Variants in CCSER1 observed in about 807,000 individuals in gnomAD.
The protein encoded by CCSER1 is coiled-coil serine rich protein 1, also known as serine-rich coiled-coil domain-containing protein 1.
Under a neutral mutation model 82.0 loss-of-function variants are expected in CCSER1, and 41 were observed. The observed-to-expected ratio is 0.50, with a 90% CI of 0.39 to 0.65. CCSER1 has a LOEUF of 0.65. Among genes scored for constraint, CCSER1 ranks in the 30% least tolerant of loss-of-function variants. CCSER1 has a pLI of 0.00. For synonymous variants in CCSER1, 414 were observed against 383.9 expected, an observed-to-expected ratio of 1.08 and a Z score of -0.92; for missense variants, 1,119 against 1,064.2, an observed-to-expected ratio of 1.05 and a Z score of -0.72.
chr4:91,031,336 T>C (rs35129590), intron 9 of CCSER1, among the ~76,000 whole-genome samples: 51,597 of 152,022 alleles, frequency 0.34, 10,587 homozygotes, highest in East Asian at 0.58. Context: ...CATGGATGAG[T>C]GCTTTACTCC....
chr4:90,404,027 T>G (rs1187876387), intron 4 of CCSER1: 1 of 152,212 alleles, frequency 6.6e-6, no homozygotes, highest in Admixed American at 6.5e-5. Flanking sequence ...ACTGTGAGTC[T>G]GCTTGCTTTC....
chr4:90,162,591 A>G (rs1358367001), intron 1 of CCSER1, among the ~76,000 whole-genome samples: 1 of 152,068 alleles, frequency 6.6e-6, no homozygotes, highest in Non-Finnish European at 1.5e-5. Flanking sequence ...AGTATTATAG[A>G]AGTCTAAAAA....
chr4:91,215,177 T>G (rs1483519711), intron 10 of CCSER1, among the ~76,000 whole-genome samples: 3 of 152,166 alleles, frequency 2.0e-5, no homozygotes, highest in African/African-American at 7.2e-5. Flanking sequence ...TGATAAACAT[T>G]ACCGATTTTC....
At chr4:90,357,491 G>C (rs148606006) in intron 3 of CCSER1, among the ~76,000 whole-genome samples, 1 of 151,922 alleles carries the variant, frequency 6.6e-6, no homozygotes, top group Non-Finnish European at 1.5e-5. Flanking sequence ...GAACCAAATG[G>C]AACATAGTAA....
intron 3 of CCSER1, among the ~76,000 whole-genome samples, chr4:90,326,052 T>TA (rs1738119763): frequency 7.0e-6 from 1 of 143,120 alleles, no homozygotes; most frequent in Non-Finnish European, 1.5e-5. Flanking sequence ...TCCTATGTGA[T>TA]ACCTTTTTTT....
chr4:91,035,051 T>C (rs1741315998), intron 9 of CCSER1, among the ~76,000 whole-genome samples: 1 of 152,136 alleles, frequency 6.6e-6, no homozygotes, highest in African/African-American at 2.4e-5. Context: ...TCTATAAGTG[T>C]ATAAGAAATA....
At chr4:91,067,183 T>C (rs1720913554) in intron 9 of CCSER1, among the ~76,000 whole-genome samples, 1 of 151,434 alleles carries the variant, frequency 6.6e-6, no homozygotes, top group South Asian at 2.1e-4. Flanking sequence ...AAAAAAAGAA[T>C]AGGCCCTGTC....
intron 10 of CCSER1, among the ~76,000 whole-genome samples, chr4:91,462,506 T>C (rs1756566303): frequency 6.6e-6 from 1 of 151,872 alleles, no homozygotes; most frequent in Non-Finnish European, 1.5e-5. Context: ...TGTTGGACAG[T>C]GGGTGAAGGA....
At chr4:91,458,344 T>A (rs10856888) in intron 10 of CCSER1, among the ~76,000 whole-genome samples, 1 of 151,892 alleles carries the variant, frequency 6.6e-6, no homozygotes. Context: ...TGTGGATTTC[T>A]CTCTGGGTTC....
At chr4:90,476,458 T>G (rs1765123839) in intron 5 of CCSER1, among the ~76,000 whole-genome samples, 1 of 152,090 alleles carries the variant, frequency 6.6e-6, no homozygotes, top group Non-Finnish European at 1.5e-5. Flanking sequence ...CTGCCAGGCC[T>G]TGGTGGAAAG....
intron 1 of CCSER1, among the ~76,000 whole-genome samples, chr4:90,282,104 G>T (rs530363010): frequency 1.3e-4 from 19 of 151,970 alleles, no homozygotes; most frequent in Admixed American, 8.5e-4. Flanking sequence ...GGAGAACTAA[G>T]AACCATATGG....
At chr4:91,026,571 T>C (rs1217299283) in intron 9 of CCSER1, among the ~76,000 whole-genome samples, 5 of 152,120 alleles carry the variant, frequency 3.3e-5, no homozygotes, top group African/African-American at 9.7e-5. Flanking sequence ...GAAACACATT[T>C]TAAATCATGA....
At chr4:91,203,637 T>C (rs1736111321) in intron 10 of CCSER1, among the ~76,000 whole-genome samples, 1 of 127,188 alleles carries the variant, frequency 7.9e-6, no homozygotes, top group Non-Finnish European at 1.6e-5. Context: ...CATGAATGCA[T>C]ATATACTATG....
At chr4:91,416,585 C>G (rs1316912461) in intron 10 of CCSER1, among the ~76,000 whole-genome samples, 1 of 152,068 alleles carries the variant, frequency 6.6e-6, no homozygotes, top group Non-Finnish European at 1.5e-5. Context: ...ACAAACCTGA[C>G]AAAAACAAGC....
At chr4:90,223,426 A>G (rs1325297522) in intron 1 of CCSER1, among the ~76,000 whole-genome samples, 1 of 152,200 alleles carries the variant, frequency 6.6e-6, no homozygotes, top group Admixed American at 6.6e-5. Context: ...CAGAGACCCA[A>G]TTGCATGGTA....
rs550746035 is a variant in CCSER1 at position 91,009,273 on chromosome 4, C to T, written c.2173-76677C>T. Among the ~76,000 whole-genome samples the T allele has an allele frequency of 9.5e-4, 145 of 152,286 alleles. 2 individuals are homozygous for T. The highest frequency in any genetic ancestry group is 3.3e-3 in the African/African-American group (136 of 41,558). On this transcript the variant is annotated intron_variant, in intron 9 of 10. Coordinates refer to ENST00000509176, the MANE Select transcript of CCSER1 (RefSeq NM_001145065.2). Reference sequence around the variant, plus strand: ...AGGGAGGGGACCCAAAGAGGGTAGCCGTTGCTGGCTCGAATGCCTAGGTTT... The same window carrying T: ...AGGGAGGGGACCCAAAGAGGGTAGCTGTTGCTGGCTCGAATGCCTAGGTTT...
chr4:90,873,831 T>C (rs1048622410), intron 8 of CCSER1, among the ~76,000 whole-genome samples: 20 of 152,278 alleles, frequency 1.3e-4, no homozygotes, highest in South Asian at 4.1e-4. Flanking sequence ...ACTGGTTCTA[T>C]TTTTCTCTTT....
At chr4:90,173,701 A>G (rs1269631390) in intron 1 of CCSER1, among the ~76,000 whole-genome samples, 2 of 152,002 alleles carry the variant, frequency 1.3e-5, no homozygotes, top group Admixed American at 6.6e-5. Flanking sequence ...CAATCCAGAA[A>G]TGCTAGGCAC....
intron 10 of CCSER1, among the ~76,000 whole-genome samples, chr4:91,256,735 A>G (rs1158967571): frequency 6.6e-6 from 1 of 152,196 alleles, no homozygotes; most frequent in African/African-American, 2.4e-5. Flanking sequence ...AAGCCACATT[A>G]TAATAAAATT....
Sources: gnomAD v4.1 joint callset for allele counts (sites outside exome capture counted in the v4.1 genomes callset) on GRCh38, gnomAD v4.1.1 for gene constraint, MANE v1.5 for transcripts, NCBI Gene and HGNC (gene_info 2026-07-23, HGNC 2026-07-21) for gene names.